SYTL2: variants seen among roughly 807,000 people sequenced by gnomAD.
The protein encoded by SYTL2 is synaptotagmin-like protein 2.
SYTL2 carries 165 observed loss-of-function variants against 198.7 expected under a neutral mutation model. The observed-to-expected ratio is 0.83, with a 90% CI of 0.73 to 0.94. The LOEUF (loss-of-function observed/expected upper bound fraction) is 0.94. Among genes scored for constraint, SYTL2 ranks in the 40% least tolerant of loss-of-function variants. SYTL2 has a pLI of 0.00. For missense variants in SYTL2, 2,835 were observed against 2,582.8 expected (o/e 1.10, Z -2.12); for synonymous variants, 966 against 917.7 (o/e 1.05, Z -0.95).
At chr11:85,825,724 G>A in the SYTL2 span, among the ~76,000 whole-genome samples, 2 of 152,230 alleles carry the variant, frequency 1.3e-5, no homozygotes, top group Non-Finnish European at 2.9e-5. Flanking sequence ...AGATATCCTA[G>A]AAAGCATGAA....
chr11:85,816,701 GGAGTTT>G, the SYTL2 span, among the ~76,000 whole-genome samples: 1 of 152,150 alleles, frequency 6.6e-6, no homozygotes, highest in South Asian at 2.1e-4. Flanking sequence ...CTTGAGCACA[GGAGTTT>G]GAGACCAGCC....
the SYTL2 span, among the ~76,000 whole-genome samples, chr11:85,816,902 C>G: frequency 1.3e-5 from 1 of 78,030 alleles, no homozygotes; most frequent in Non-Finnish European, 2.5e-5. Context: ...GGTGACAGAG[C>G]AAAACCCTGT....
chr11:85,707,169 C>A lies in SYTL2; in HGVS notation c.6018+260G>T, dbSNP rs564091869. Among the ~76,000 whole-genome samples the A allele has an allele frequency of 8.5e-5, 13 of 152,286 alleles. No homozygotes were observed. The South Asian group carries it at 2.7e-3, about 32-fold the overall frequency. ...CTGTGTGTTTTTAAATAAGTTACTTCATTTCTCCAAGTTTCATTTGCCTCA... is the reference window on the plus strand; with the variant it reads ...CTGTGTGTTTTTAAATAAGTTACTTAATTTCTCCAAGTTTCATTTGCCTCA... On this transcript the variant is annotated intron_variant, in intron 15 of 19. Coordinates refer to ENST00000359152, the MANE Select transcript of SYTL2 (RefSeq NM_206927.4).
intron 1 of SYTL2, among the ~76,000 whole-genome samples, chr11:85,764,794 C>A (rs1292931887): frequency 6.6e-6 from 1 of 152,198 alleles, no homozygotes; most frequent in Non-Finnish European, 1.5e-5. Context: ...AAAAAGGCAT[C>A]TGTGTCAACA....
intron 2 of SYTL2, among the ~76,000 whole-genome samples, chr11:85,751,629 C>T (rs2091517861): frequency 6.6e-6 from 1 of 152,226 alleles, no homozygotes; most frequent in Non-Finnish European, 1.5e-5. Context: ...AGAAAGTACA[C>T]TGGCCTGCTG....
chr11:85,695,183 T>C lies in SYTL2; in HGVS notation c.*12A>G, dbSNP rs1214417300. The C allele has an allele frequency of 1.9e-6, 3 of 1,608,146 alleles. No homozygotes were observed. The highest frequency in any genetic ancestry group is 1.7e-6 in the Non-Finnish European group (2 of 1,176,512). On this transcript the variant is annotated 3_prime_UTR_variant, in exon 20 of 20. Coordinates refer to ENST00000359152, the MANE Select transcript of SYTL2 (RefSeq NM_206927.4). ...TAGTAGTTTTCAGTGGAGGAGCCAG[T>C]GGAATTTGGGCTCATTTGGAAATCT...
At chr11:85,846,330 T>C in the SYTL2 span, among the ~76,000 whole-genome samples, 1 of 152,222 alleles carries the variant, frequency 6.6e-6, no homozygotes, top group Non-Finnish European at 1.5e-5. Context: ...ACAGTAGTCA[T>C]AAGACCACCA....
At chr11:85,812,149 T>C (rs1440013118), upstream of SYTL2, among the ~76,000 whole-genome samples, 7 of 152,152 alleles carry the variant, frequency 4.6e-5, no homozygotes. Context: ...TCACGACCTA[T>C]TTTTTACAAG....
chr11:85,729,935 C>T (rs1246925873), intron 7 of SYTL2, among the ~76,000 whole-genome samples: 1 of 152,170 alleles, frequency 6.6e-6, no homozygotes. Context: ...CACAGAAATA[C>T]AAACCACCAT....
rs753824661 is a variant in SYTL2, at chr11:85,718,805, G to A, written c.5467C>T (p.Arg1823Cys). The A allele has an allele frequency of 2.7e-5, 43 of 1,613,332 alleles. No homozygotes were observed. The highest frequency in any genetic ancestry group is 3.6e-5 in the Non-Finnish European group (43 of 1,179,466). The change falls in exon 10 of 20, where the codon CGT (arginine) becomes TGT (cysteine). Residue 1823 changes from arginine to cysteine, a missense_variant. This residue lies in a region of SYTL2 where 2,645 missense variants were observed against 2,381.7 expected (regional missense o/e 1.11). Transcript: ENST00000359152. ...AGATATTTACCATCTTCAGCACTACGCACTAATTCTTCTGGCTGATTATCT... is the reference window on the plus strand; with the variant it reads ...AGATATTTACCATCTTCAGCACTACACACTAATTCTTCTGGCTGATTATCT... ...KVDNQPEELVRSAEDDEKPDQ... is the reference protein window; with the variant it reads ...KVDNQPEELVCSAEDDEKPDQ...
At chr11:85,712,293 A>T (rs2086441126) in intron 12 of SYTL2, among the ~76,000 whole-genome samples, 1 of 152,216 alleles carries the variant, frequency 6.6e-6, no homozygotes, top group Non-Finnish European at 1.5e-5. Context: ...CTCTGTTGTC[A>T]CACTCTCTCC....
In SYTL2 at chr11:85,725,663, A is replaced by C. The variant is rs766139633; in HGVS notation, c.3695T>G (p.Leu1232Trp). The change falls in exon 8 of 20, where the codon TTG (leucine) becomes TGG (tryptophan). Residue 1232 changes from leucine to tryptophan, a missense_variant. Physicochemically the swap from Leu to Trp is moderately conservative, Grantham distance 61 (BLOSUM62 -2). This residue lies in a region of SYTL2 where 2,645 missense variants were observed against 2,381.7 expected (regional missense o/e 1.11). Transcript: ENST00000359152. The stretch of plus-strand genomic sequence containing the variant: ...GTTGGTTCCAGTGATAACAGGCGCC[A>C]ACTTGGCTTGCAAGGGAGAGGGTGA... ...GTSPSPLQAK[L>W]APVITGTNSK... 15 of 1,614,104 alleles carry C rather than the reference A, an allele frequency of 9.3e-6. No homozygotes were observed. Among genetic ancestry groups the C allele is most frequent in the Non-Finnish European group, 1.3e-5 (15 of 1,180,008 alleles).
chr11:85,852,670 T>C, the SYTL2 span: 1 of 189,914 alleles, frequency 5.3e-6, no homozygotes. Flanking sequence ...TCTCGTTCAC[T>C]CAGTGCTCAA....
At chr11:85,808,155 C>T (rs2092984508) in intron 1 of SYTL2, among the ~76,000 whole-genome samples, 1 of 152,114 alleles carries the variant, frequency 6.6e-6, no homozygotes, top group Admixed American at 6.5e-5. Context: ...CAACCTCCGC[C>T]TCCCGGGTTC....
At chr11:85,817,945 C>T in the SYTL2 span, among the ~76,000 whole-genome samples, 2 of 133,810 alleles carry the variant, frequency 1.5e-5, no homozygotes, top group Non-Finnish European at 3.0e-5. Context: ...ACTCTGTGGT[C>T]CAGGATGCAG....
At chr11:85,699,464 A>G (rs1046836300) in intron 17 of SYTL2, among the ~76,000 whole-genome samples, 2 of 152,240 alleles carry the variant, frequency 1.3e-5, no homozygotes, top group Admixed American at 6.5e-5. Context: ...TACAAATTAT[A>G]TGCAAAAGAA....
the SYTL2 span, among the ~76,000 whole-genome samples, chr11:85,846,969 G>A: frequency 2.6e-5 from 4 of 152,118 alleles, no homozygotes; most frequent in African/African-American, 9.7e-5. Context: ...CCTGACCTCA[G>A]GTGATCCACC....
the SYTL2 span, among the ~76,000 whole-genome samples, chr11:85,840,504 A>G: frequency 6.6e-5 from 10 of 152,216 alleles, 1 homozygote; most frequent in Admixed American, 3.9e-4. Context: ...CTACCAAAAC[A>G]GCATGGTACT....
the SYTL2 span, among the ~76,000 whole-genome samples, chr11:85,839,841 CT>C: frequency 6.6e-6 from 1 of 152,092 alleles, no homozygotes; most frequent in Non-Finnish European, 1.5e-5. Context: ...CTATTTTTAG[CT>C]TTTTGAGGAA....
Sources: gnomAD v4.1 joint callset for allele counts (sites outside exome capture counted in the v4.1 genomes callset) on GRCh38, gnomAD v4.1.1 for gene constraint, gnomAD v4.1.1 regional missense constraint, MANE v1.5 for transcripts, NCBI Gene and HGNC (gene_info 2026-07-23, HGNC 2026-07-21) for gene names.